The following SAMTOR variants were observed in gnomAD, a reference collection of about 807,000 sequenced individuals.
The protein encoded by SAMTOR is S-adenosylmethionine sensor upstream of mTORC1.
chr7:112,836,152 A>G, the SAMTOR span, among the ~76,000 whole-genome samples: 1 of 151,878 alleles, frequency 6.6e-6, no homozygotes, highest in Non-Finnish European at 1.5e-5. Flanking sequence ...AGCAGCTGTT[A>G]TTTTTTGACT....
chr7:112,856,266 T>C, the SAMTOR span, among the ~76,000 whole-genome samples: 5 of 151,616 alleles, frequency 3.3e-5, no homozygotes, highest in Non-Finnish European at 4.4e-5. Context: ...TTTTTTTTTT[T>C]CGAGACCGAG....
chr7:112,905,030 A>G, the SAMTOR span, among the ~76,000 whole-genome samples: 2 of 152,050 alleles, frequency 1.3e-5, no homozygotes, highest in East Asian at 1.9e-4. Flanking sequence ...ACTTTTACAC[A>G]TAGACCATTA....
chr7:112,824,212 T>C, the SAMTOR span, among the ~76,000 whole-genome samples: 6 of 152,314 alleles, frequency 3.9e-5, no homozygotes, highest in Non-Finnish European at 2.9e-5. Context: ...TGTTCTTTCT[T>C]AGATGTTGCT....
the SAMTOR span, among the ~76,000 whole-genome samples, chr7:112,878,819 T>G: frequency 1.3e-5 from 2 of 152,126 alleles, no homozygotes; most frequent in African/African-American, 4.8e-5. Context: ...GTAAAAGAGC[T>G]GGCATTATTG....
chr7:112,875,551 A>G, the SAMTOR span, among the ~76,000 whole-genome samples: 1 of 152,154 alleles, frequency 6.6e-6, no homozygotes, highest in Non-Finnish European at 1.5e-5. Context: ...GTACAGAATA[A>G]TATGTGCTAT....
At chr7:112,842,249 A>G in the SAMTOR span, among the ~76,000 whole-genome samples, 3 of 151,974 alleles carry the variant, frequency 2.0e-5, no homozygotes, top group Admixed American at 6.6e-5. Flanking sequence ...CACTTTGCAG[A>G]TATGAATTTG....
the SAMTOR span, among the ~76,000 whole-genome samples, chr7:112,933,761 C>T: frequency 6.6e-6 from 1 of 152,146 alleles, no homozygotes; most frequent in African/African-American, 2.4e-5. Context: ...ATGCAGATTC[C>T]TGGGCCCCAA....
At chr7:112,917,972 T>C in the SAMTOR span, among the ~76,000 whole-genome samples, 2 of 152,336 alleles carry the variant, frequency 1.3e-5, no homozygotes, top group African/African-American at 2.4e-5. Context: ...CTATGTCTGA[T>C]TGGTGTACCT....
the SAMTOR span, among the ~76,000 whole-genome samples, chr7:112,896,257 A>G: frequency 9.4e-4 from 143 of 152,070 alleles, no homozygotes; most frequent in African/African-American, 3.4e-3. Context: ...ATATGTATAT[A>G]TGGAGAGCGA....
the SAMTOR span, among the ~76,000 whole-genome samples, chr7:112,926,282 T>C: frequency 3.3e-5 from 5 of 152,200 alleles, no homozygotes; most frequent in African/African-American, 9.6e-5. Context: ...CTTAGAGTCC[T>C]TGCCATGTCA....
chr7:112,923,983 A>T, the SAMTOR span, among the ~76,000 whole-genome samples: 1 of 151,406 alleles, frequency 6.6e-6, no homozygotes, highest in East Asian at 1.9e-4. Flanking sequence ...CATAGGTGGG[A>T]ATTGAATAAT....
chr7:112,842,827 G>T, the SAMTOR span, among the ~76,000 whole-genome samples: 1 of 151,846 alleles, frequency 6.6e-6, no homozygotes, highest in South Asian at 2.1e-4. Flanking sequence ...ATCAAAAAAG[G>T]CTAGAGGGCC....
the SAMTOR span, among the ~76,000 whole-genome samples, chr7:112,877,057 G>A: frequency 6.6e-6 from 1 of 152,184 alleles, no homozygotes; most frequent in Non-Finnish European, 1.5e-5. Context: ...ACTGGACTAT[G>A]AGATCACTGT....
the SAMTOR span, among the ~76,000 whole-genome samples, chr7:112,918,537 A>C: frequency 7.2e-5 from 11 of 152,230 alleles, no homozygotes; most frequent in African/African-American, 2.7e-4. Context: ...AAACTGCATC[A>C]ACTAACGAGC....
chr7:112,915,160 C>T, the SAMTOR span: 3 of 611,526 alleles, frequency 4.9e-6, no homozygotes, highest in Non-Finnish European at 7.9e-6. Context: ...ACTGATTGAA[C>T]CCGGGAGGTG....
At chr7:112,927,070 T>C in the SAMTOR span, among the ~76,000 whole-genome samples, 38 of 152,060 alleles carry the variant, frequency 2.5e-4, no homozygotes, top group Admixed American at 2.5e-3. Flanking sequence ...ATTTTCATAA[T>C]AGCCCATTTT....
At chr7:112,832,497 C>T in the SAMTOR span, 8 of 903,458 alleles carry the variant, frequency 8.9e-6, no homozygotes, top group African/African-American at 1.3e-4. Context: ...GATGCAAAGA[C>T]AGTGCTTTTC....
At chr7:112,895,218 T>A in the SAMTOR span, among the ~76,000 whole-genome samples, 3 of 151,274 alleles carry the variant, frequency 2.0e-5, no homozygotes, top group East Asian at 3.9e-4. Flanking sequence ...ACATTATAAC[T>A]ATATAATACT....
chr7:112,855,343 A>G, the SAMTOR span, among the ~76,000 whole-genome samples: 7 of 152,180 alleles, frequency 4.6e-5, no homozygotes, highest in African/African-American at 1.4e-4. Flanking sequence ...CCACAAACTT[A>G]ACTTTAAAAC....
Sources: allele counts gnomAD v4.1 joint callset (sites outside exome capture counted in the v4.1 genomes callset), GRCh38; gene constraint gnomAD v4.1.1; transcripts MANE v1.5; gene names NCBI Gene and HGNC (gene_info 2026-07-23, HGNC 2026-07-21).